Variants in NALF1 observed in about 807,000 individuals in gnomAD.
The protein encoded by NALF1 is family with sequence similarity 155 member A.
NALF1 carries 3 observed loss-of-function variants against 48.4 expected under a neutral mutation model. The observed-to-expected ratio is 0.06, with a 90% confidence interval of 0.03 to 0.16. The LOEUF (loss-of-function observed/expected upper bound fraction) is 0.16. Ranked by LOEUF, NALF1 falls within the 10% of genes least tolerant of loss-of-function variation. The pLI is 1.00. For missense variants in NALF1, 526 were observed against 571.5 expected (o/e 0.92, Z 0.81); for synonymous variants, 262 against 245.7 (o/e 1.07, Z -0.62).
chr13:107,221,445 C>G (rs552241793), intron 1 of NALF1, among the ~76,000 whole-genome samples: 1 of 151,902 alleles, frequency 6.6e-6, no homozygotes, highest in African/African-American at 2.4e-5. Flanking sequence ...CTGGGCGTGG[C>G]GGTGCATGCC....
chr13:107,596,161 G>T (rs1594149724), intron 1 of NALF1, among the ~76,000 whole-genome samples: 1 of 152,034 alleles, frequency 6.6e-6, no homozygotes, highest in African/African-American at 2.4e-5. Flanking sequence ...CAATATTAAG[G>T]TCTCTGTCAA....
At chr13:107,506,536 CAT>C (rs1453923980) in intron 1 of NALF1, among the ~76,000 whole-genome samples, 1 of 152,042 alleles carries the variant, frequency 6.6e-6, no homozygotes, top group East Asian at 1.9e-4. Flanking sequence ...TAAAATAAAA[CAT>C]GTACTTATTA....
At chr13:107,722,269 GGAGAAACTCTGAGAACCTA>G (rs2138528530) in intron 1 of NALF1, among the ~76,000 whole-genome samples, 1 of 152,124 alleles carries the variant, frequency 6.6e-6, no homozygotes, top group South Asian at 2.1e-4. Context: ...CTTCTTTAAG[GGAGAAACTCTGAGAACCTA>G]GATCCTTTTC....
intron 1 of NALF1, among the ~76,000 whole-genome samples, chr13:107,220,740 G>T (rs1263667483): frequency 1.3e-5 from 2 of 152,136 alleles, no homozygotes; most frequent in Non-Finnish European, 2.9e-5. Flanking sequence ...GTGCACCTCC[G>T]TGTGGAGGGA....
At chr13:107,270,058 CCG>C (rs1197482702) in intron 1 of NALF1, among the ~76,000 whole-genome samples, 1 of 151,530 alleles carries the variant, frequency 6.6e-6, no homozygotes, top group Non-Finnish European at 1.5e-5. Flanking sequence ...GCGTGAGCCA[CCG>C]CGCCTGGCCA....
At chr13:107,856,578 A>G (rs768130968) in intron 1 of NALF1, among the ~76,000 whole-genome samples, 6 of 152,170 alleles carry the variant, frequency 3.9e-5, no homozygotes, top group Non-Finnish European at 5.9e-5. Flanking sequence ...GGAATCAGAG[A>G]AATAATTTAA....
intron 1 of NALF1, among the ~76,000 whole-genome samples, chr13:107,503,650 T>C (rs73594777): frequency 0.039 from 5,875 of 152,198 alleles, 408 homozygotes; most frequent in African/African-American, 0.13. Flanking sequence ...CCTGTATTCC[T>C]ATGTTCATTG....
chr13:107,358,993 A>G (rs1425018010), intron 1 of NALF1, among the ~76,000 whole-genome samples: 3 of 152,124 alleles, frequency 2.0e-5, no homozygotes, highest in Non-Finnish European at 2.9e-5. Context: ...GAGATCCTGA[A>G]CTATTTTGCC....
intron 1 of NALF1, among the ~76,000 whole-genome samples, chr13:107,439,981 T>C (rs1366984545): frequency 3.9e-5 from 6 of 152,216 alleles, no homozygotes. Context: ...TTTAATTTTA[T>C]GTATGTTTTA....
At chr13:107,398,866 A>T (rs1380982581) in intron 1 of NALF1, among the ~76,000 whole-genome samples, 1 of 152,222 alleles carries the variant, frequency 6.6e-6, no homozygotes, top group African/African-American at 2.4e-5. Flanking sequence ...TTTACCAGTT[A>T]GAAACCAGTT....
At chr13:107,178,096 A>G (rs1272919828) in intron 2 of NALF1, among the ~76,000 whole-genome samples, 4 of 152,180 alleles carry the variant, frequency 2.6e-5, no homozygotes, top group Non-Finnish European at 4.4e-5. Flanking sequence ...AAACTACGAA[A>G]TTACTAAAAG....
chr13:107,273,580 AGC>A (rs1166709173), intron 1 of NALF1, among the ~76,000 whole-genome samples: 2 of 152,200 alleles, frequency 1.3e-5, no homozygotes, highest in African/African-American at 4.8e-5. Context: ...TATCACAAAA[AGC>A]TGTCCTAGAA....
At chr13:107,847,642 C>T (rs1161787035) in intron 1 of NALF1, among the ~76,000 whole-genome samples, 1 of 152,148 alleles carries the variant, frequency 6.6e-6, no homozygotes, top group Non-Finnish European at 1.5e-5. Context: ...ACACAGACAG[C>T]GAACAGCTGA....
chr13:107,284,921 T>A (rs1007024419), intron 1 of NALF1, among the ~76,000 whole-genome samples: 1 of 151,330 alleles, frequency 6.6e-6, no homozygotes, highest in African/African-American at 2.4e-5. Context: ...TTTTTTTAAA[T>A]GATAGATTGA....
chr13:107,191,590 A>G lies in NALF1; in HGVS notation c.1087+18994T>C, dbSNP rs1594062699. 2.0e-5 allele frequency among the ~76,000 whole-genome samples: 3 copies of G among 152,104 alleles called. No individual in the cohort carries two copies. In the South Asian group the frequency reaches 6.2e-4, roughly 32 times the overall value. ...ATATGTTAGAAGCCGGGGTCCTAGG[A>G]GCTTCTCCACGACTTTCACAGTGTT... On this transcript the variant is annotated intron_variant, in intron 2 of 2. Transcript: ENST00000375915.
At position 107,707,620 on chromosome 13, in the gene NALF1, G is replaced by T. The variant is rs367545884; in HGVS notation, c.915+158062C>A. 2.1e-4 allele frequency among the ~76,000 whole-genome samples: 32 copies of T among 152,304 alleles called. No homozygotes were observed. The East Asian group carries it at 5.2e-3, about 25-fold the overall frequency. ...GGGCAGGAATGCACAGACCAGTTGTGGTCACTGTGTGCAATGTCAGGATAT... is the reference window on the plus strand; with the variant it reads ...GGGCAGGAATGCACAGACCAGTTGTTGTCACTGTGTGCAATGTCAGGATAT... On this transcript the variant is annotated intron_variant, in intron 1 of 2. Transcript: ENST00000375915.
At chr13:107,409,772 T>A (rs527633599) in intron 1 of NALF1, among the ~76,000 whole-genome samples, 1 of 152,288 alleles carries the variant, frequency 6.6e-6, no homozygotes, top group African/African-American at 2.4e-5. Context: ...ACCCAGAAAG[T>A]AAATTATAGA....
chr13:107,755,064 T>C (rs1288194997), intron 1 of NALF1, among the ~76,000 whole-genome samples: 2 of 152,190 alleles, frequency 1.3e-5, no homozygotes, highest in Non-Finnish European at 2.9e-5. Context: ...AAATTGTTGA[T>C]AAATTGAGAA....
chr13:107,574,868 AAAGTATATAC>A (rs1213351540), intron 1 of NALF1, among the ~76,000 whole-genome samples: 1 of 152,228 alleles, frequency 6.6e-6, no homozygotes, highest in African/African-American at 2.4e-5. Context: ...TTTGGAAAAG[AAAGTATATAC>A]AATCTAGGGT....
Sources: allele counts gnomAD v4.1 joint callset (sites outside exome capture counted in the v4.1 genomes callset), GRCh38; gene constraint gnomAD v4.1.1; transcripts MANE v1.5; gene names NCBI Gene and HGNC (gene_info 2026-07-23, HGNC 2026-07-21).